CC2D2A: variants seen among roughly 807,000 people sequenced by gnomAD.
CC2D2A encodes the protein coiled-coil and C2 domain containing 2A.
CC2D2A carries 155 observed loss-of-function variants against 212.9 expected under a neutral mutation model. The observed-to-expected ratio is 0.73, with a 90% CI of 0.64 to 0.83. CC2D2A has a LOEUF of 0.83. CC2D2A is among the 40% of genes least tolerant of loss of function. The probability of loss-of-function intolerance (pLI) is 0.00; values close to 1 mark genes in which losing one functional copy is unlikely to be tolerated. For missense variants in CC2D2A, 1,856 were observed against 1,956.2 expected (o/e 0.95, Z 0.97); for synonymous variants, 667 against 686.5 (o/e 0.97, Z 0.44).
intron 13 of CC2D2A, among the ~76,000 whole-genome samples, chr4:15,530,181 C>G (rs1435291629): frequency 6.6e-6 from 1 of 152,072 alleles, no homozygotes; most frequent in Non-Finnish European, 1.5e-5. Flanking sequence ...CCGCGTTAGC[C>G]AAGATGGTCT....
At chr4:15,546,588 G>A (rs1718723332) in intron 17 of CC2D2A, among the ~76,000 whole-genome samples, 1 of 152,204 alleles carries the variant, frequency 6.6e-6, no homozygotes, top group East Asian at 1.9e-4. Flanking sequence ...AGTCATGTTT[G>A]GAGAAGTGTC....
intron 16 of CC2D2A, among the ~76,000 whole-genome samples, chr4:15,540,073 T>C (rs1328085580): frequency 6.6e-6 from 1 of 152,166 alleles, no homozygotes; most frequent in East Asian, 1.9e-4. Flanking sequence ...TGATAAACAT[T>C]ACGTTATGTT....
intron 24 of CC2D2A, 192 bp downstream of exon 24, chr4:15,563,714 G>A: frequency 1.7e-6 from 1 of 590,176 alleles, no homozygotes; most frequent in South Asian, 2.2e-5. Flanking sequence ...CTAAAGAGGG[G>A]ATTTATTAAG....
chr4:15,564,233 C>T (rs944843458), intron 24 of CC2D2A: 1 of 152,258 alleles, frequency 6.6e-6, no homozygotes, highest in African/African-American at 2.4e-5. Context: ...AAAATTAAAA[C>T]TTCTTTTTTT....
intron 30 of CC2D2A, among the ~76,000 whole-genome samples, chr4:15,581,064 A>C (rs1378397983): frequency 6.6e-6 from 1 of 152,192 alleles, no homozygotes. Flanking sequence ...TTTTATGTGG[A>C]TACCATAACC....
At position 15,488,551 on chromosome 4, in the gene CC2D2A, T is replaced by C. The variant is rs188125026; in HGVS notation, c.247+7724T>C. Among the ~76,000 whole-genome samples, 217 of 152,330 alleles carry C rather than the reference T, an allele frequency of 1.4e-3. 1 individual carries two copies. The highest frequency in any genetic ancestry group is 2.6e-3 in the Non-Finnish European group (180 of 68,010). On this transcript the variant is annotated intron_variant, in intron 4 of 36. Transcript: ENST00000424120. ...ATTTTTATAGACCTTGCAGTAGTCT[T>C]AGGGGATTTGAATGTTTTGGTGTTC... is the stretch of plus-strand genomic sequence containing the variant.
chr4:15,500,099 G>GTATACATATATATATATATATATA (rs71179633), intron 4 of CC2D2A, among the ~76,000 whole-genome samples: 3 of 69,818 alleles, frequency 4.3e-5, no homozygotes, highest in Admixed American at 2.7e-4. Flanking sequence ...GTGTGTGTGT[G>GTATACATATATATATATATATATA]TGTGTGTGTA....
At position 15,477,237 on chromosome 4, in the gene CC2D2A, G is replaced by A. The variant is rs562793076; in HGVS notation, c.39+1266G>A. 1.0e-3 allele frequency among the ~76,000 whole-genome samples: 155 copies of A among 151,816 alleles called. 1 individual carries two copies. Among genetic ancestry groups the A allele is most frequent in the African/African-American group, 3.6e-3 (148 of 41,320 alleles). On this transcript the variant is annotated intron_variant, in intron 2 of 36. Transcript: ENST00000424120. ...GAATCACTTTGACCTGGGTGGCGGA[G>A]GTTGCGGTGAGCCGAGATCATGCCA...
rs1261151818 is a variant in CC2D2A at position 15,601,357 on chromosome 4, A to G, written c.4795A>G (p.Ile1599Val). The stretch of plus-strand genomic sequence containing the variant: ...TGTTGAATTTGCTTTAGCTGTATAC[A>G]TACACCCATACCCCAAAAATGTTTT... ...PNVEFALAVY[I>V]HPYPKNVLSV... is the part of the protein sequence containing the mutation. The change falls in exon 37 of 37, where the codon ATA (isoleucine) becomes GTA (valine). Residue 1599 changes from isoleucine to valine, a missense_variant. This residue lies in a region of CC2D2A where 285 missense variants were observed against 278.4 expected (regional missense o/e 1.02). Transcript: ENST00000424120. 2 of 1,600,322 alleles carry G rather than the reference A, an allele frequency of 1.2e-6. No homozygotes were observed. Among genetic ancestry groups the G allele is most frequent in the South Asian group, 1.1e-5 (1 of 88,562 alleles).
intron 12 of CC2D2A, among the ~76,000 whole-genome samples, chr4:15,528,356 T>C (rs1717623012): frequency 6.6e-6 from 1 of 152,210 alleles, no homozygotes; most frequent in Admixed American, 6.5e-5. Flanking sequence ...AAGTAATATT[T>C]TCATAAGCAG....
intron 28 of CC2D2A, 131 bp from the exon 29 acceptor site, chr4:15,574,019 T>C (rs1015875159): frequency 4.6e-6 from 3 of 659,300 alleles, no homozygotes; most frequent in African/African-American, 3.6e-5. Flanking sequence ...ATTAGAAAGA[T>C]GGGATTGGCT....
chr4:15,516,028 A>C, intron 10 of CC2D2A, 24 bp downstream of exon 10: 1 of 1,567,442 alleles, frequency 6.4e-7, no homozygotes, highest in Non-Finnish European at 8.6e-7. Flanking sequence ...CTCTGCTCTC[A>C]GGTGTAGCCT....
intron 4 of CC2D2A, among the ~76,000 whole-genome samples, chr4:15,490,436 T>C (rs1048133430): frequency 6.6e-6 from 1 of 152,200 alleles, no homozygotes; most frequent in Non-Finnish European, 1.5e-5. Context: ...AGCATAATGA[T>C]TTTTGAGATT....
At chr4:15,546,677 C>T (rs1718727935) in intron 17 of CC2D2A, among the ~76,000 whole-genome samples, 1 of 152,232 alleles carries the variant, frequency 6.6e-6, no homozygotes, top group African/African-American at 2.4e-5. Flanking sequence ...GATGTTTTCA[C>T]ATACATCTTA....
chr4:15,598,843 G>A (rs1311499089), intron 35 of CC2D2A, among the ~76,000 whole-genome samples: 1 of 152,122 alleles, frequency 6.6e-6, no homozygotes, highest in Non-Finnish European at 1.5e-5. Flanking sequence ...TACTACCAAT[G>A]AGTATAGTCA....
intron 30 of CC2D2A, among the ~76,000 whole-genome samples, chr4:15,580,856 G>A (rs775094220): frequency 4.6e-5 from 7 of 151,976 alleles, no homozygotes; most frequent in Non-Finnish European, 8.8e-5. Flanking sequence ...CCAGTATTAC[G>A]CCTAATGCTA....
chr4:15,472,618 C>T (rs1713906657), intron 1 of CC2D2A, among the ~76,000 whole-genome samples: 1 of 146,672 alleles, frequency 6.8e-6, no homozygotes, highest in Admixed American at 6.9e-5. Flanking sequence ...TTATAGAGAA[C>T]TTTTTTTAGT....
intron 17 of CC2D2A, among the ~76,000 whole-genome samples, chr4:15,549,689 G>C (rs1436503030): frequency 6.6e-6 from 1 of 152,170 alleles, no homozygotes; most frequent in Non-Finnish European, 1.5e-5. Context: ...TGTAATCCCA[G>C]CTACTTGCGG....
At chr4:15,570,308 A>T (rs1267958571) in intron 27 of CC2D2A, 90 bp from the exon 28 acceptor site, 4 of 726,672 alleles carry the variant, frequency 5.5e-6, no homozygotes, top group Non-Finnish European at 9.3e-6. Flanking sequence ...ATATGCTTTC[A>T]GCTAAAATCT....
Sources: gnomAD v4.1 joint callset for allele counts (sites outside exome capture counted in the v4.1 genomes callset) on GRCh38, gnomAD v4.1.1 for gene constraint, gnomAD v4.1.1 regional missense constraint, MANE v1.5 for transcripts, NCBI Gene and HGNC (gene_info 2026-07-23, HGNC 2026-07-21) for gene names.